CTNNA2: variants seen among roughly 807,000 people sequenced by gnomAD.
CTNNA2 encodes the protein catenin alpha-2.
CTNNA2 carries 42 observed loss-of-function variants against 101.0 expected under a neutral mutation model. The observed-to-expected ratio is 0.42, with a 90% CI of 0.32 to 0.54. CTNNA2 has a LOEUF of 0.54. Among genes scored for constraint, CTNNA2 ranks in the 20% least tolerant of loss-of-function variants. The pLI is 0.14. For synonymous variants in CTNNA2, 450 were observed against 456.4 expected, an observed-to-expected ratio of 0.99 and a Z score of 0.18; for missense variants, 871 against 1,223.1, an observed-to-expected ratio of 0.71 and a Z score of 4.29.
chr2:79,861,386 G>GT (rs1234174348), intron 4 of CTNNA2, among the ~76,000 whole-genome samples: 1 of 152,150 alleles, frequency 6.6e-6, no homozygotes, highest in Non-Finnish European at 1.5e-5. Flanking sequence ...TTATATTCAT[G>GT]TTTTTTCATC....
intron 7 of CTNNA2, among the ~76,000 whole-genome samples, chr2:80,384,258 G>T (rs1302180194): frequency 6.6e-6 from 1 of 152,038 alleles, no homozygotes; most frequent in African/African-American, 2.4e-5. Context: ...TTCTGTAGGT[G>T]AACTTATGTC....
chr2:79,912,005 C>T (rs937955371), intron 7 of CTNNA2, among the ~76,000 whole-genome samples: 2 of 152,172 alleles, frequency 1.3e-5, no homozygotes, highest in African/African-American at 4.8e-5. Context: ...TAACAGCAAA[C>T]AGTAAATCAG....
chr2:79,185,991 A>G (rs965405700), intron 1 of CTNNA2, among the ~76,000 whole-genome samples: 1 of 152,218 alleles, frequency 6.6e-6, no homozygotes, highest in Non-Finnish European at 1.5e-5. Flanking sequence ...AGGAAACTTA[A>G]AAGTGCCTGC....
intron 2 of CTNNA2, among the ~76,000 whole-genome samples, chr2:79,267,667 C>T (rs1308207704): frequency 6.6e-6 from 1 of 152,070 alleles, no homozygotes; most frequent in Non-Finnish European, 1.5e-5. Context: ...TATCACCCAC[C>T]AAAGAGCTGT....
At chr2:79,883,558 A>G (rs1683610650) in intron 6 of CTNNA2, among the ~76,000 whole-genome samples, 1 of 152,232 alleles carries the variant, frequency 6.6e-6, no homozygotes, top group Non-Finnish European at 1.5e-5. Context: ...TAGTAAAACT[A>G]TCTACAAAGG....
intron 7 of CTNNA2, chr2:80,029,556 A>C (rs1425041213): frequency 6.6e-6 from 1 of 152,142 alleles, no homozygotes; most frequent in Non-Finnish European, 1.5e-5. Context: ...GTTTAGGTGC[A>C]CATTTCTTGA....
intron 3 of CTNNA2, among the ~76,000 whole-genome samples, chr2:79,336,962 C>T (rs991697509): frequency 2.0e-5 from 3 of 152,100 alleles, no homozygotes; most frequent in Admixed American, 6.6e-5. Context: ...GGCTGCTGCC[C>T]GTCTTCCCTG....
At chr2:79,541,881 T>A (rs1673446730) in intron 1 of CTNNA2, among the ~76,000 whole-genome samples, 1 of 152,060 alleles carries the variant, frequency 6.6e-6, no homozygotes, top group African/African-American at 2.4e-5. Flanking sequence ...CACCTTAGCC[T>A]CCCAAAGTGT....
chr2:80,233,287 A>G (rs376082820), intron 7 of CTNNA2, among the ~76,000 whole-genome samples: 1 of 152,202 alleles, frequency 6.6e-6, no homozygotes, highest in Non-Finnish European at 1.5e-5. Flanking sequence ...GCTCTTCCAC[A>G]AAGTTGCCCA....
At chr2:79,915,400 A>G (rs895701633) in intron 7 of CTNNA2, among the ~76,000 whole-genome samples, 15 of 152,074 alleles carry the variant, frequency 9.9e-5, no homozygotes, top group African/African-American at 3.1e-4. Flanking sequence ...TATTCTCTTT[A>G]CTCAATATAT....
intron 7 of CTNNA2, among the ~76,000 whole-genome samples, chr2:79,982,344 A>ATAACCTATG (rs1691407207): frequency 9.1e-6 from 1 of 110,446 alleles, no homozygotes; most frequent in African/African-American, 3.4e-5. Context: ...TAAAACATAT[A>ATAACCTATG]TAACCTATAT....
At chr2:79,681,653 C>G (rs1354948488) in intron 2 of CTNNA2, among the ~76,000 whole-genome samples, 1 of 152,184 alleles carries the variant, frequency 6.6e-6, no homozygotes, top group African/African-American at 2.4e-5. Context: ...GCCCAAATTT[C>G]TTGTTATTTC....
At chr2:79,986,597 A>G (rs186012124) in intron 7 of CTNNA2, among the ~76,000 whole-genome samples, 1 of 152,280 alleles carries the variant, frequency 6.6e-6, no homozygotes, top group Admixed American at 6.5e-5. Flanking sequence ...TGGAGGGGCT[A>G]ACTTACCACT....
At chr2:79,882,402 C>G (rs972409934) in intron 6 of CTNNA2, among the ~76,000 whole-genome samples, 1 of 152,208 alleles carries the variant, frequency 6.6e-6, no homozygotes, top group Non-Finnish European at 1.5e-5. Context: ...CCCTGAGTCT[C>G]TGGCTGGAGT....
intron 4 of CTNNA2, among the ~76,000 whole-genome samples, chr2:79,400,656 A>G (rs7573401): frequency 0.78 from 119,086 of 151,862 alleles, 46,859 homozygotes; most frequent in East Asian, 0.93. Flanking sequence ...AATCTGTAGA[A>G]CCTCATCAGG....
At chr2:80,364,817 A>G (rs966434570) in intron 7 of CTNNA2, among the ~76,000 whole-genome samples, 2 of 152,128 alleles carry the variant, frequency 1.3e-5, no homozygotes, top group Non-Finnish European at 2.9e-5. Flanking sequence ...TTTTTAGTCT[A>G]TCAGCTTTTC....
intron 13 of CTNNA2, among the ~76,000 whole-genome samples, chr2:80,576,624 C>T (rs945430608): frequency 1.3e-5 from 2 of 151,740 alleles, no homozygotes; most frequent in African/African-American, 4.8e-5. Context: ...TCTGGCCACA[C>T]TTTTATCAAC....
intron 4 of CTNNA2, among the ~76,000 whole-genome samples, chr2:79,504,637 T>C (rs965270096): frequency 7.9e-5 from 12 of 152,170 alleles, no homozygotes; most frequent in Admixed American, 3.9e-4. Flanking sequence ...CTTGTGACTT[T>C]GGATGAAAAC....
At chr2:79,497,888 C>G (rs1671276444) in intron 4 of CTNNA2, among the ~76,000 whole-genome samples, 1 of 152,160 alleles carries the variant, frequency 6.6e-6, no homozygotes, top group Non-Finnish European at 1.5e-5. Flanking sequence ...CTTCCAATTT[C>G]TTTGAAGAAT....
Sources: allele counts gnomAD v4.1 joint callset (sites outside exome capture counted in the v4.1 genomes callset), GRCh38; gene constraint gnomAD v4.1.1; transcripts MANE v1.5; gene names NCBI Gene and HGNC (gene_info 2026-07-23, HGNC 2026-07-21).